Variants in COCH observed in about 807,000 individuals in gnomAD.
COCH encodes coagulation factor C homolog, cochlin (Limulus polyphemus).
A neutral mutation model predicts 54.8 loss-of-function variants in COCH; 40 were observed. The observed-to-expected ratio is 0.73, with a 90% CI of 0.57 to 0.95. The LOEUF is 0.95. Ranked by LOEUF, COCH falls within the 40% of genes least tolerant of loss-of-function variation. COCH has a pLI of 0.00. For missense variants in COCH, 605 were observed against 675.0 expected (o/e 0.90, Z 1.15); for synonymous variants, 256 against 237.9 (o/e 1.08, Z -0.70).
rs775494934 is a variant in COCH at position 30,886,355 on chromosome 14, G to A, written c.1477+43G>A. The A allele has an allele frequency of 2.7e-5, 43 of 1,605,218 alleles. No homozygotes were observed. In the East Asian group the frequency reaches 5.1e-4, roughly 19 times the overall value. ...TATAGGAGAAGGGAACAGAAAAAAC[G>A]GTTCAGTGAATTTAGGAGTAAATAA... On this transcript the variant is annotated intron_variant, in intron 11 of 11. Coordinates refer to ENST00000396618, the MANE Select transcript of COCH (RefSeq NM_004086.3).
chr14:30,882,245 TCAG>T (rs149410069), intron 8 of COCH, among the ~76,000 whole-genome samples: 23,522 of 146,232 alleles, frequency 0.16, 2,108 homozygotes, highest in Middle Eastern at 0.27. Flanking sequence ...TTCTCCTGCC[TCAG>T]CCTCCTGAGT....
At chr14:30,886,980 C>G (rs554356209) in intron 11 of COCH, among the ~76,000 whole-genome samples, 1 of 152,170 alleles carries the variant, frequency 6.6e-6, no homozygotes, top group Non-Finnish European at 1.5e-5. Flanking sequence ...CCTTGGCCTC[C>G]CAAAGTGCTG....
chr14:30,890,940 G>A (rs1304551811), downstream of COCH, among the ~76,000 whole-genome samples: 3 of 152,048 alleles, frequency 2.0e-5, no homozygotes, highest in African/African-American at 4.8e-5. Flanking sequence ...TTGGGAGGCT[G>A]AGGTGGGAGG....
intron 5 of COCH, 113 bp downstream of exon 5, chr14:30,879,057 A>G (rs1285538866): frequency 2.8e-6 from 4 of 1,451,796 alleles, no homozygotes; most frequent in Non-Finnish European, 3.8e-6. Context: ...ATCAAGACTA[A>G]AGCTGACCTA....
intron 8 of COCH, among the ~76,000 whole-genome samples, chr14:30,883,091 A>C (rs991170759): frequency 4.6e-5 from 7 of 152,204 alleles, no homozygotes; most frequent in Non-Finnish European, 1.0e-4. Flanking sequence ...GTTTTAACAT[A>C]ATTTAACCAT....
chr14:30,874,574 C>G lies in COCH; in HGVS notation c.-41C>G. The stretch of plus-strand genomic sequence containing the variant: ...CTTGCCTTCCGCACTCGGGCGCAGC[C>G]GGGTGGATCTCGAGCAGGTGCGGAG... On this transcript the variant is annotated 5_prime_UTR_variant, in exon 1 of 12. Coordinates refer to ENST00000396618, the MANE Select transcript of COCH (RefSeq NM_004086.3). 1 of 441,568 alleles carries G rather than the reference C, an allele frequency of 2.3e-6. No individual in the cohort carries two copies. Among genetic ancestry groups the G allele is most frequent in the East Asian group, 4.7e-5 (1 of 21,468 alleles). 27.4% of individuals were successfully genotyped at this position (441,568 alleles called of 1,614,324 possible). A position where few individuals can be genotyped will look rare whatever the true frequency, so the allele number is the denominator to read the frequency against.
Position 30,886,288 on chromosome 14 carries a change from C to T in COCH, c.1453C>T (p.Pro485Ser). 1 of 1,614,074 alleles carries T rather than the reference C, an allele frequency of 6.2e-7. No homozygotes were observed. ...DGQSYDDVQG[P>S]AAAAHDAGIT... is the part of the protein sequence containing the mutation. ...GCAGTCCTATGATGATGTCCAAGGC[C>T]CTGCAGCTGCTGCACATGATGCAGG... The change falls in exon 11 of 12, where the codon CCT becomes TCT. Residue 485 changes from proline to serine, a missense_variant. Physicochemically the swap from Pro to Ser is moderately conservative, Grantham distance 74. Transcript: ENST00000396618.
chr14:30,880,762 TAA>T (rs10706771), intron 8 of COCH, 28 bp downstream of exon 8: 8 of 1,511,510 alleles, frequency 5.3e-6, no homozygotes, highest in East Asian at 2.3e-5. Flanking sequence ...ATGGGAGATT[TAA>T]AAAAAAAATT....
chr14:30,885,714 T>C (rs1394217875), intron 10 of COCH, 82 bp from the exon 11 acceptor site: 7 of 1,554,528 alleles, frequency 4.5e-6, no homozygotes, highest in Non-Finnish European at 6.2e-6. Context: ...TAGATTAACT[T>C]GAAACATTCA....
downstream of COCH, chr14:30,895,309 G>T (rs1566421229): frequency 6.5e-6 from 8 of 1,231,920 alleles, no homozygotes; most frequent in Admixed American, 5.7e-5. Flanking sequence ...CCTTCACCAG[G>T]CAGATCACAT....
chr14:30,893,291 C>A (rs185970286), downstream of COCH, among the ~76,000 whole-genome samples: 7 of 151,778 alleles, frequency 4.6e-5, no homozygotes, highest in Non-Finnish European at 7.4e-5. Flanking sequence ...GGACCATAGG[C>A]ACCCGCCACC....
intron 8 of COCH, among the ~76,000 whole-genome samples, chr14:30,883,715 C>G (rs1895689168): frequency 6.6e-6 from 1 of 152,122 alleles, no homozygotes. Flanking sequence ...CTAAACACAA[C>G]AGATTGTGCT....
chr14:30,880,746 G>A lies in COCH; in HGVS notation c.629+12G>A. On this transcript the variant is annotated intron_variant, in intron 8 of 11. Coordinates refer to ENST00000396618, the MANE Select transcript of COCH (RefSeq NM_004086.3). ...CTTGTTCAAGCCAGGTACCAACCTT[G>A]TTAAAATGGGAGATTTAAAAAAAAA... The A allele has an allele frequency of 6.2e-7, 1 of 1,601,342 alleles. No homozygotes were observed. The highest frequency in any genetic ancestry group is 8.6e-7 in the Non-Finnish European group (1 of 1,169,226).
At position 30,880,443 on chromosome 14, in the gene COCH, T is replaced by C; in HGVS notation, c.437-9T>C. ...CTTTTGTTAATGCCAAGTGCATCTT[T>C]TATTTCAGGTAAACGACTAAAGAAA... is the stretch of plus-strand genomic sequence containing the variant. On this transcript the variant is annotated splice_polypyrimidine_tract_variant and intron_variant, in intron 6 of 11. Coordinates refer to ENST00000396618, the MANE Select transcript of COCH (RefSeq NM_004086.3). 1.2e-6 allele frequency: 2 copies of C among 1,613,882 alleles called. No individual in the cohort carries two copies. The highest frequency in any genetic ancestry group is 1.7e-6 in the Non-Finnish European group (2 of 1,179,840).
rs1594371774 is a variant in COCH at position 30,877,756 on chromosome 14, A to G, written c.239+28A>G. 6.2e-7 allele frequency: 1 copy of G among 1,613,928 alleles called. No individual in the cohort carries two copies. Among genetic ancestry groups the G allele is most frequent in the South Asian group, 1.1e-5 (1 of 91,074 alleles). On this transcript the variant is annotated intron_variant, in intron 4 of 11. Transcript: ENST00000396618. This position sits in a 1 kb window ranked among gnomAD's most constrained non-coding sequence, Gnocchi z 8.6. ...AAGCCCAAACACACCAGGGTGGGAG[A>G]GAAATGCAGACGTGATTATTTCCTT...
At chr14:30,894,479 A>G (rs746242320), downstream of COCH, 1 of 152,712 alleles carries the variant, frequency 6.5e-6, no homozygotes, top group Non-Finnish European at 1.5e-5. Flanking sequence ...AATCCTTGAT[A>G]AATAAACTTG....
chr14:30,895,032 C>T (rs1464445659), downstream of COCH: 15 of 174,746 alleles, frequency 8.6e-5, no homozygotes, highest in Admixed American at 4.8e-4. Flanking sequence ...ATTCCTAACC[C>T]CTAAGGCAGC....
intron 6 of COCH, among the ~76,000 whole-genome samples, chr14:30,879,834 T>G (rs543000448): frequency 7.3e-5 from 11 of 150,984 alleles, no homozygotes; most frequent in Non-Finnish European, 1.2e-4. Flanking sequence ...TAATTTTTTT[T>G]ATTTTTATTT....
chr14:30,875,307 C>A (rs7158281), intron 3 of COCH: 1 of 721,900 alleles, frequency 1.4e-6, no homozygotes, highest in Admixed American at 2.8e-5. Context: ...TGGTAGGGGG[C>A]CCCTGGGGTC....
Sources: allele counts gnomAD v4.1 joint callset (sites outside exome capture counted in the v4.1 genomes callset), GRCh38; gene constraint gnomAD v4.1.1; non-coding constraint Gnocchi (gnomAD v3.1); transcripts MANE v1.5; gene names NCBI Gene and HGNC (gene_info 2026-07-23, HGNC 2026-07-21).